BRINP3: variants seen among roughly 807,000 people sequenced by gnomAD.
BRINP3 encodes the protein BMP/retinoic acid-inducible neural-specific protein 3.
In BRINP3, 19 loss-of-function variants were observed where a neutral mutation model predicts 71.0. The ratio of observed to expected loss-of-function variants is 0.27; its 90% CI spans 0.19 to 0.39. The LOEUF (loss-of-function observed/expected upper bound fraction) is 0.39. Among genes scored for constraint, BRINP3 ranks in the 10% least tolerant of loss-of-function variants. The pLI is 1.00. For synonymous variants in BRINP3, 380 were observed against 337.7 expected, an observed-to-expected ratio of 1.13 and a Z score of -1.37; for missense variants, 959 against 940.8, an observed-to-expected ratio of 1.02 and a Z score of -0.25.
intron 2 of BRINP3, among the ~76,000 whole-genome samples, chr1:190,296,343 A>C (rs953723398): frequency 6.6e-6 from 1 of 152,110 alleles, no homozygotes; most frequent in Non-Finnish European, 1.5e-5. Flanking sequence ...CAATAGACGC[A>C]GATAAAGGGT....
chr1:190,304,069 A>G lies in BRINP3; in HGVS notation c.237-22319T>C, dbSNP rs76322413. On this transcript the variant is annotated intron_variant, in intron 2 of 7. Coordinates refer to ENST00000367462, the MANE Select transcript of BRINP3 (RefSeq NM_199051.3). ...AAATGGAAACCTGAAGAAAGTAAGA[A>G]TTCTACACTTATGCAAGTCTGCCAC... Among the ~76,000 whole-genome samples the G allele has an allele frequency of 8.0e-4, 122 of 151,940 alleles. 4 individuals are homozygous for G. In the East Asian group the frequency reaches 0.021, roughly 27 times the overall value.
intron 2 of BRINP3, among the ~76,000 whole-genome samples, chr1:190,346,871 C>T (rs1161524983): frequency 6.6e-6 from 1 of 152,040 alleles, no homozygotes; most frequent in African/African-American, 2.4e-5. Context: ...ATATCTTCCA[C>T]AAGAAATAGT....
At chr1:190,196,778 A>G (rs965820292) in intron 6 of BRINP3, among the ~76,000 whole-genome samples, 7 of 151,928 alleles carry the variant, frequency 4.6e-5, no homozygotes, top group Admixed American at 1.3e-4. Flanking sequence ...TCTGAGATCC[A>G]TGTTTGTCTC....
chr1:190,269,736 A>G (rs765074871), intron 3 of BRINP3, among the ~76,000 whole-genome samples: 1 of 152,102 alleles, frequency 6.6e-6, no homozygotes, highest in Non-Finnish European at 1.5e-5. Flanking sequence ...GCTAAAATCC[A>G]TACTTTGACA....
chr1:190,431,272 A>G (rs1364197250), intron 2 of BRINP3, among the ~76,000 whole-genome samples: 1 of 151,984 alleles, frequency 6.6e-6, no homozygotes, highest in East Asian at 1.9e-4. Flanking sequence ...TCACCCTCAA[A>G]TATTTGTATG....
chr1:190,413,483 T>C (rs1672820590), intron 2 of BRINP3, among the ~76,000 whole-genome samples: 1 of 152,186 alleles, frequency 6.6e-6, no homozygotes, highest in Non-Finnish European at 1.5e-5. Context: ...ATTATCAAGG[T>C]GGGCTATAAA....
chr1:190,260,820 T>C (rs1248339111), intron 4 of BRINP3, among the ~76,000 whole-genome samples: 3 of 152,072 alleles, frequency 2.0e-5, no homozygotes, highest in African/African-American at 7.2e-5. Context: ...CAAGATGGAT[T>C]TTTTTAAGCT....
At chr1:190,280,542 G>C (rs1662957570) in intron 3 of BRINP3, among the ~76,000 whole-genome samples, 1 of 151,788 alleles carries the variant, frequency 6.6e-6, no homozygotes, top group Non-Finnish European at 1.5e-5. Flanking sequence ...GTATATTCTG[G>C]TGTAAAAAAT....
chr1:190,462,358 A>G (rs1676452999), intron 1 of BRINP3, among the ~76,000 whole-genome samples: 1 of 152,306 alleles, frequency 6.6e-6, no homozygotes, highest in East Asian at 1.9e-4. Context: ...ATGTTCTATA[A>G]TTCAATTTCT....
intron 2 of BRINP3, among the ~76,000 whole-genome samples, chr1:190,324,517 A>T (rs1383816813): frequency 1.3e-5 from 2 of 151,982 alleles, no homozygotes; most frequent in Non-Finnish European, 2.9e-5. Context: ...ATAGGTAAAC[A>T]TACTGATATG....
At chr1:190,432,078 G>A (rs1674135458) in intron 2 of BRINP3, among the ~76,000 whole-genome samples, 1 of 152,034 alleles carries the variant, frequency 6.6e-6, no homozygotes, top group Admixed American at 6.6e-5. Context: ...AGGAAAAATG[G>A]TGCATTAGAA....
At chr1:190,318,106 A>G (rs1037400033) in intron 2 of BRINP3, among the ~76,000 whole-genome samples, 6 of 152,088 alleles carry the variant, frequency 3.9e-5, no homozygotes, top group African/African-American at 1.4e-4. Context: ...GAACAAGGAA[A>G]GGTATGCTCA....
intron 6 of BRINP3, among the ~76,000 whole-genome samples, chr1:190,193,204 T>C (rs933791938): frequency 2.6e-5 from 4 of 151,894 alleles, no homozygotes; most frequent in Non-Finnish European, 4.4e-5. Flanking sequence ...ACTATCAATA[T>C]GGAGGAAGAA....
At chr1:190,380,605 A>G (rs1670484996) in intron 2 of BRINP3, among the ~76,000 whole-genome samples, 1 of 152,180 alleles carries the variant, frequency 6.6e-6, no homozygotes, top group Admixed American at 6.5e-5. Context: ...AAGGCAAGGA[A>G]ACATTGAAAT....
Position 190,346,600 on chromosome 1 carries a change from T to C in BRINP3, c.237-64850A>G, listed in dbSNP as rs142205074. Among the ~76,000 whole-genome samples the C allele has an allele frequency of 2.2e-3, 336 of 152,248 alleles. 1 individual carries two copies. The highest frequency in any genetic ancestry group is 7.6e-3 in the African/African-American group (318 of 41,576). On this transcript the variant is annotated intron_variant, in intron 2 of 7. Transcript: ENST00000367462. ...GTGGTTGCAATGAATCTGAGAAATC[T>C]AGCTAATCTCACTTAATCTAGATCA...
chr1:190,334,119 A>T (rs1053590081), intron 2 of BRINP3, among the ~76,000 whole-genome samples: 2 of 151,922 alleles, frequency 1.3e-5, no homozygotes, highest in African/African-American at 4.8e-5. Context: ...TAAATAATAA[A>T]AAAGTTAAAA....
chr1:190,324,305 T>C (rs968595296), intron 2 of BRINP3, among the ~76,000 whole-genome samples: 3 of 151,974 alleles, frequency 2.0e-5, no homozygotes, highest in East Asian at 1.9e-4. Context: ...TCCAAAATTA[T>C]GTTCCATCAT....
rs573916497 is a variant in BRINP3, at chr1:190,301,412, T to C, written c.237-19662A>G. Among the ~76,000 whole-genome samples, 4 of 150,800 alleles carry C rather than the reference T, an allele frequency of 2.7e-5. 1 individual carries two copies. The South Asian group carries it at 6.2e-4, about 24-fold the overall frequency. On this transcript the variant is annotated intron_variant, in intron 2 of 7. Coordinates refer to ENST00000367462, the MANE Select transcript of BRINP3 (RefSeq NM_199051.3). ...AGTGAAAATAGTGTTATATTTTCAC[T>C]TCACCTGTCAAAATACTTTGGAAAA...
At chr1:190,434,705 T>G (rs921680909) in intron 2 of BRINP3, among the ~76,000 whole-genome samples, 2 of 150,388 alleles carry the variant, frequency 1.3e-5, no homozygotes, top group African/African-American at 4.9e-5. Context: ...CCCCAAGATT[T>G]GTCCTACAGT....
Sources: allele counts gnomAD v4.1 joint callset (sites outside exome capture counted in the v4.1 genomes callset), GRCh38; gene constraint gnomAD v4.1.1; transcripts MANE v1.5; gene names NCBI Gene and HGNC (gene_info 2026-07-23, HGNC 2026-07-21).